The following EFCAB11 variants were observed in gnomAD, a reference collection of about 807,000 sequenced individuals.
EFCAB11 encodes the protein EF-hand calcium binding domain 11, also known as EF-hand calcium-binding domain-containing protein 11.
A neutral mutation model predicts 23.0 loss-of-function variants in EFCAB11; 14 were observed. That is an observed-to-expected ratio of 0.61 (90% CI 0.40 to 0.95). EFCAB11 has a LOEUF of 0.95. Among genes scored for constraint, EFCAB11 ranks in the 40% least tolerant of loss-of-function variants. The pLI is 0.00. For synonymous variants in EFCAB11, 65 were observed against 66.6 expected, an observed-to-expected ratio of 0.98 and a Z score of 0.11; for missense variants, 198 against 195.8, an observed-to-expected ratio of 1.01 and a Z score of -0.07.
intron 3 of EFCAB11, among the ~76,000 whole-genome samples, chr14:89,947,423 T>C (rs1891021689): frequency 6.6e-6 from 1 of 152,160 alleles, no homozygotes; most frequent in Non-Finnish European, 1.5e-5. Flanking sequence ...AAAACATCTC[T>C]TGATCTATTG....
intron 5 of EFCAB11, among the ~76,000 whole-genome samples, chr14:89,815,967 A>G (rs950990475): frequency 1.3e-5 from 2 of 152,296 alleles, no homozygotes; most frequent in South Asian, 2.1e-4. Flanking sequence ...ATCTGTAGAT[A>G]GCTTTGGGTG....
chr14:89,834,387 A>AC (rs1165342564), intron 5 of EFCAB11, among the ~76,000 whole-genome samples: 10 of 149,254 alleles, frequency 6.7e-5, no homozygotes, highest in African/African-American at 5.0e-5. Flanking sequence ...AAAAAAAAAA[A>AC]AAAAAAAAAA....
chr14:89,865,151 C>G (rs1467312942), intron 5 of EFCAB11, among the ~76,000 whole-genome samples: 2 of 152,168 alleles, frequency 1.3e-5, no homozygotes, highest in African/African-American at 2.4e-5. Context: ...TGACACGGGG[C>G]AAGGGCAAGG....
At chr14:89,878,780 C>T (rs1264395469) in intron 5 of EFCAB11, among the ~76,000 whole-genome samples, 1 of 152,064 alleles carries the variant, frequency 6.6e-6, no homozygotes, top group East Asian at 1.9e-4. Context: ...TTATCTCAAA[C>T]TTCTTTGAGG....
chr14:89,935,092 C>A (rs895337186), intron 3 of EFCAB11, among the ~76,000 whole-genome samples: 3 of 152,172 alleles, frequency 2.0e-5, no homozygotes, highest in African/African-American at 7.2e-5. Flanking sequence ...GGCATCATCT[C>A]CTGTTTGAAT....
At chr14:89,812,309 T>C (rs1886176171) in intron 5 of EFCAB11, among the ~76,000 whole-genome samples, 2 of 152,228 alleles carry the variant, frequency 1.3e-5, no homozygotes, top group East Asian at 3.8e-4. Flanking sequence ...AAAAGGATAT[T>C]TGAAAATGTG....
intron 5 of EFCAB11, chr14:89,892,531 A>C: frequency 9.4e-7 from 1 of 1,059,100 alleles, no homozygotes; most frequent in Non-Finnish European, 1.3e-6. Flanking sequence ...AGGACAAATG[A>C]CAGAAGGGTT....
At chr14:89,940,712 C>T (rs1233675805) in intron 3 of EFCAB11, among the ~76,000 whole-genome samples, 1 of 152,106 alleles carries the variant, frequency 6.6e-6, no homozygotes, top group Admixed American at 6.5e-5. Flanking sequence ...AGAAAAGATG[C>T]TCAATCTAAT....
At chr14:89,884,593 T>A (rs1888696727) in intron 5 of EFCAB11, among the ~76,000 whole-genome samples, 1 of 152,112 alleles carries the variant, frequency 6.6e-6, no homozygotes, top group Non-Finnish European at 1.5e-5. Flanking sequence ...GACATAAGAA[T>A]TGGAAAAGAA....
chr14:89,907,852 C>G (rs1393438152), intron 5 of EFCAB11, among the ~76,000 whole-genome samples: 2 of 152,192 alleles, frequency 1.3e-5, no homozygotes, highest in Non-Finnish European at 2.9e-5. Flanking sequence ...CTAAGTCACT[C>G]AGCTGCTTTG....
intron 5 of EFCAB11, among the ~76,000 whole-genome samples, chr14:89,895,175 T>C (rs1367946507): frequency 6.6e-6 from 1 of 152,120 alleles, no homozygotes; most frequent in African/African-American, 2.4e-5. Context: ...TGAAAACCAA[T>C]GTGATTATGA....
chr14:89,882,927 GGTGA>G (rs1888646507), intron 5 of EFCAB11, among the ~76,000 whole-genome samples: 2 of 152,100 alleles, frequency 1.3e-5, no homozygotes, highest in Non-Finnish European at 2.9e-5. Flanking sequence ...TGGGGTTGAG[GGTGA>G]GTGAGTTCTT....
chr14:89,891,949 C>T (rs1888983295), intron 5 of EFCAB11, among the ~76,000 whole-genome samples: 4 of 152,202 alleles, frequency 2.6e-5, no homozygotes, highest in South Asian at 4.1e-4. Context: ...GCTACCGCCG[C>T]GCGCTGCAGC....
At chr14:89,898,672 T>TTA (rs1273753122) in intron 5 of EFCAB11, among the ~76,000 whole-genome samples, 1 of 149,700 alleles carries the variant, frequency 6.7e-6, no homozygotes. Context: ...GCCTCTTTTT[T>TTA]TTTTTTTTTT....
At chr14:89,856,870 AT>A (rs1466495145) in intron 5 of EFCAB11, among the ~76,000 whole-genome samples, 1 of 152,172 alleles carries the variant, frequency 6.6e-6, no homozygotes, top group Non-Finnish European at 1.5e-5. Context: ...AAGCCAGCTT[AT>A]TTTCAAGACC....
At chr14:89,954,477 C>A (rs1596476638) in intron 1 of EFCAB11, 109 bp downstream of exon 1, 4 of 1,544,146 alleles carry the variant, frequency 2.6e-6, no homozygotes, top group Non-Finnish European at 3.5e-6. Context: ...GGACAGGCAG[C>A]CCAGGTCTTA....
chr14:89,890,139 A>G (rs917408946), intron 5 of EFCAB11, among the ~76,000 whole-genome samples: 4 of 152,238 alleles, frequency 2.6e-5, no homozygotes, highest in Admixed American at 6.5e-5. Context: ...TGATTTTTAG[A>G]TATAATACCT....
chr14:89,915,683 G>A (rs1889818581), intron 5 of EFCAB11, among the ~76,000 whole-genome samples: 1 of 152,094 alleles, frequency 6.6e-6, no homozygotes, highest in Non-Finnish European at 1.5e-5. Context: ...GGTCATCAGA[G>A]AAAACTCAAT....
At chr14:89,919,315 C>T (rs922168423) in intron 5 of EFCAB11, among the ~76,000 whole-genome samples, 4 of 152,242 alleles carry the variant, frequency 2.6e-5, no homozygotes, top group East Asian at 1.9e-4. Context: ...GATCTCAGAT[C>T]GGCCAAGAGC....
Sources: gnomAD v4.1 joint callset for allele counts (sites outside exome capture counted in the v4.1 genomes callset) on GRCh38, gnomAD v4.1.1 for gene constraint, MANE v1.5 for transcripts, NCBI Gene and HGNC (gene_info 2026-07-23, HGNC 2026-07-21) for gene names.